Variants in ATG7 observed in about 807,000 individuals in gnomAD.
ATG7 encodes the protein autophagy related 7, also known as ubiquitin-like modifier-activating enzyme ATG7.
ATG7 carries 70 observed loss-of-function variants against 82.4 expected under a neutral mutation model. That is an observed-to-expected ratio of 0.85 (90% CI 0.70 to 1.04). The LOEUF is 1.04. Among genes scored for constraint, ATG7 ranks in the 50% least tolerant of loss-of-function variants. The pLI, the probability that ATG7 is intolerant of heterozygous loss-of-function variation, is 0.00. For synonymous variants in ATG7, 287 were observed against 313.0 expected (o/e 0.92, Z 0.88); for missense variants, 792 against 864.3 (o/e 0.92, Z 1.05).
chr3:11,526,827 C>G (rs1466777588), intron 20 of ATG7, among the ~76,000 whole-genome samples: 1 of 152,070 alleles, frequency 6.6e-6, no homozygotes, highest in Non-Finnish European at 1.5e-5. Flanking sequence ...AAGAATGAAT[C>G]TAAAGTTTTA....
intron 20 of ATG7, among the ~76,000 whole-genome samples, chr3:11,511,210 C>T (rs1411974358): frequency 6.6e-6 from 1 of 152,142 alleles, no homozygotes; most frequent in Non-Finnish European, 1.5e-5. Flanking sequence ...AGGCAGCCTG[C>T]TTTTATTCTC....
intron 3 of ATG7, among the ~76,000 whole-genome samples, chr3:11,287,515 G>A (rs987422593): frequency 2.0e-5 from 3 of 152,170 alleles, no homozygotes; most frequent in African/African-American, 4.8e-5. Flanking sequence ...TAGAAAAGTC[G>A]GAAGGCAGCA....
chr3:11,395,035 C>T (rs1198123517), intron 19 of ATG7, among the ~76,000 whole-genome samples: 3 of 151,970 alleles, frequency 2.0e-5, no homozygotes, highest in African/African-American at 7.3e-5. Flanking sequence ...AAGTAAAAGC[C>T]CAAATTTTAG....
intron 19 of ATG7, among the ~76,000 whole-genome samples, chr3:11,387,271 G>A (rs1356871838): frequency 1.3e-5 from 2 of 152,212 alleles, no homozygotes; most frequent in Admixed American, 1.3e-4. Flanking sequence ...CATGTCTCTT[G>A]ACAATGACAG....
At chr3:11,279,751 G>A (rs929033207) in intron 1 of ATG7, among the ~76,000 whole-genome samples, 1 of 151,944 alleles carries the variant, frequency 6.6e-6, no homozygotes, top group Non-Finnish European at 1.5e-5. Flanking sequence ...TTGGCTTAAG[G>A]GTTTCTATAG....
intron 20 of ATG7, among the ~76,000 whole-genome samples, chr3:11,536,406 A>AGC (rs1172138238): frequency 6.6e-6 from 1 of 152,216 alleles, no homozygotes; most frequent in African/African-American, 2.4e-5. Context: ...CCACCTGGCC[A>AGC]GCGCCCTGTT....
intron 1 of ATG7, among the ~76,000 whole-genome samples, chr3:11,278,211 C>T (rs1942306501): frequency 1.3e-5 from 2 of 152,068 alleles, no homozygotes; most frequent in African/African-American, 4.8e-5. Flanking sequence ...ACATTCTCAG[C>T]TTACAAAGAT....
rs188430248 is a variant in ATG7, at chr3:11,481,303, G to A, written c.2079+54377G>A. ...CTACTGAACTGTGCAGTTAAAAATG[G>A]TTATAATTGTAGGTTTTGTTAGATA... is the stretch of plus-strand genomic sequence containing the variant. On this transcript the variant is annotated intron_variant, in intron 20 of 20. Coordinates refer to ENST00000693202, the MANE Select transcript of ATG7 (RefSeq NM_001349232.2). 4.8e-3 allele frequency among the ~76,000 whole-genome samples: 736 copies of A among 152,306 alleles called. 8 individuals are homozygous for A. Among genetic ancestry groups the A allele is most frequent in the Non-Finnish European group, 6.6e-3 (448 of 68,028 alleles).
At chr3:11,432,358 A>G (rs1456554951) in intron 20 of ATG7, among the ~76,000 whole-genome samples, 2 of 152,212 alleles carry the variant, frequency 1.3e-5, no homozygotes, top group African/African-American at 4.8e-5. Flanking sequence ...TGTGTGTGGT[A>G]GATTAATTTT....
intron 9 of ATG7, among the ~76,000 whole-genome samples, chr3:11,319,547 A>G (rs1203007156): frequency 6.6e-6 from 1 of 151,996 alleles, no homozygotes; most frequent in Non-Finnish European, 1.5e-5. Context: ...TCCAGAAACC[A>G]TTTCCTCCCA....
In ATG7 at chr3:11,497,533, C is replaced by CAAAAA. The variant is rs760302631; in HGVS notation, c.2080-57260_2080-57256dup. On this transcript the variant is annotated intron_variant, in intron 20 of 20. Transcript: ENST00000693202. Reference sequence around the variant, plus strand: ...CCTGGGTGACAGAGCGAGACTCCACCAAAAAAAAAAAAAAAAAAAAAATTC... The same window carrying CAAAAA: ...CCTGGGTGACAGAGCGAGACTCCACCAAAAAAAAAAAAAAAAAAAAAAAAAAATTC... 7.7e-3 allele frequency among the ~76,000 whole-genome samples: 595 copies of CAAAAA among 77,372 alleles called. 4 individuals are homozygous for CAAAAA. The highest frequency in any genetic ancestry group is 0.028 in the African/African-American group (554 of 19,534). The allele number at this position is 77,372 out of a possible 152,430, so 50.8% of individuals were successfully genotyped here. A position where few individuals can be genotyped will look rare whatever the true frequency, so the allele number is the denominator to read the frequency against.
chr3:11,537,371 G>A (rs552139775), intron 20 of ATG7, among the ~76,000 whole-genome samples: 1 of 151,982 alleles, frequency 6.6e-6, no homozygotes, highest in African/African-American at 2.4e-5. Flanking sequence ...TTAGTCTCTT[G>A]TCACCTCCAC....
Position 11,555,292 on chromosome 3 carries a change from C to G in ATG7, c.*449C>G, listed in dbSNP as rs2072295091. The G allele has an allele frequency of 6.1e-6, 1 of 165,130 alleles. No homozygotes were observed. Among genetic ancestry groups the G allele is most frequent in the East Asian group, 1.7e-4 (1 of 5,732 alleles). 10.2% of individuals were successfully genotyped at this position (165,130 alleles called of 1,614,324 possible). A position where few individuals can be genotyped will look rare whatever the true frequency, so the allele number is the denominator to read the frequency against. ...ACCGCAGGCTCCTCCTGTGGGGGCC[C>G]TGGGCATGGGTGAGGGTGGGACCCC... On this transcript the variant is annotated 3_prime_UTR_variant, in exon 21 of 21. Transcript: ENST00000693202.
downstream of ATG7, chr3:11,558,713 T>G: frequency 6.2e-7 from 1 of 1,614,080 alleles, no homozygotes; most frequent in Non-Finnish European, 8.5e-7. Flanking sequence ...GGCAAAGTGG[T>G]CGTCCACGGA....
chr3:11,560,368 G>A (rs966200009), downstream of ATG7, among the ~76,000 whole-genome samples: 4 of 152,228 alleles, frequency 2.6e-5, no homozygotes, highest in Admixed American at 6.5e-5. Context: ...GGACAAGGTG[G>A]TGGAGTATGT....
In ATG7 at chr3:11,380,111, C is replaced by T. The variant is rs539680517; in HGVS notation, c.1956+59C>T. 6.0e-4 allele frequency: 907 copies of T among 1,523,554 alleles called. 5 individuals are homozygous for T. The highest frequency in any genetic ancestry group is 1.1e-4 in the Non-Finnish European group (125 of 1,098,044). 94.4% of individuals were successfully genotyped at this position (1,523,554 alleles called of 1,614,324 possible). A position where few individuals can be genotyped will look rare whatever the true frequency, so the allele number is the denominator to read the frequency against. On this transcript the variant is annotated intron_variant, in intron 19 of 20. Transcript: ENST00000693202. The stretch of plus-strand genomic sequence containing the variant: ...AAAAGTGAGCGGGTCAGCATTTGAC[C>T]GCAGCCTCACCAGCTGGAGCCCTTG...
chr3:11,532,680 G>A (rs112520830), intron 20 of ATG7, among the ~76,000 whole-genome samples: 20 of 152,256 alleles, frequency 1.3e-4, no homozygotes, highest in Middle Eastern at 3.4e-3. Flanking sequence ...TCATGACTGT[G>A]CCACTGCACT....
chr3:11,280,321 T>C (rs1942818967), intron 1 of ATG7, among the ~76,000 whole-genome samples: 1 of 152,218 alleles, frequency 6.6e-6, no homozygotes, highest in African/African-American at 2.4e-5. Flanking sequence ...ATGGGCCAGA[T>C]GTATGCATTT....
intron 16 of ATG7, among the ~76,000 whole-genome samples, chr3:11,361,168 A>G (rs1338276877): frequency 1.3e-5 from 2 of 152,230 alleles, no homozygotes; most frequent in African/African-American, 4.8e-5. Flanking sequence ...GTAGTTCTAA[A>G]AAGTCTCTTA....
Sources: gnomAD v4.1 joint callset for allele counts (sites outside exome capture counted in the v4.1 genomes callset) on GRCh38, gnomAD v4.1.1 for gene constraint, MANE v1.5 for transcripts, NCBI Gene and HGNC (gene_info 2026-07-23, HGNC 2026-07-21) for gene names.